TNS1: variants seen among roughly 807,000 people sequenced by gnomAD.
The protein encoded by TNS1 is tensin 1, also known as tensin-1.
Under a neutral mutation model 168.6 loss-of-function variants are expected in TNS1, and 62 were observed. That is an observed-to-expected ratio of 0.37 (90% CI 0.30 to 0.45). The LOEUF (loss-of-function observed/expected upper bound fraction) is 0.45, where lower values mean the gene tolerates loss of function less well. Among genes scored for constraint, TNS1 ranks in the 20% least tolerant of loss-of-function variants. TNS1 has a pLI of 1.00. For synonymous variants in TNS1, 934 were observed against 933.2 expected (o/e 1.00, Z -0.02); for missense variants, 2,240 against 2,339.4 (o/e 0.96, Z 0.88).
chr2:217,910,431 A>G (rs1220249259), intron 4 of TNS1, among the ~76,000 whole-genome samples: 2 of 151,212 alleles, frequency 1.3e-5, no homozygotes, highest in East Asian at 1.9e-4. Flanking sequence ...CTCCAACCCA[A>G]CTCTCCCAGG....
chr2:217,931,112 A>G (rs1161681999), intron 3 of TNS1, among the ~76,000 whole-genome samples: 2 of 152,116 alleles, frequency 1.3e-5, no homozygotes, highest in Non-Finnish European at 2.9e-5. Flanking sequence ...CCCGCCCGGG[A>G]GGGAAACTTG....
intron 4 of TNS1, among the ~76,000 whole-genome samples, chr2:217,909,975 C>G (rs188822388): frequency 2.6e-5 from 4 of 152,318 alleles, no homozygotes; most frequent in Admixed American, 6.5e-5. Context: ...AGAAAGCTCT[C>G]AATACTTGTC....
chr2:217,897,720 G>T (rs750327627), intron 8 of TNS1, 78 bp downstream of exon 8: 154 of 1,419,672 alleles, frequency 1.1e-4, no homozygotes, highest in Middle Eastern at 2.0e-4. Context: ...TGGTGGCAGG[G>T]ATACCAGTCA....
Position 217,821,794 on chromosome 2 carries a change from G to A in TNS1, c.3518C>T (p.Ser1173Phe). ...GGAGAGGGGGCTGGGGGAGACAAAG[G>A]AGCCACCCAGGGTCCCGTTCCTCAG... ...IPLRNGTLGG[S>F]FVSPSPLSTS... Residue 1173 changes from serine (S) to phenylalanine (F), a missense_variant, in exon 23 of 33, where the codon TCC becomes TTC. Ser to Phe is a radical substitution (Grantham distance 155). Around this residue, in one of 2 missense-constraint regions of TNS1, gnomAD observed 2,131 missense variants for 2,171.2 expected, o/e 0.98. Transcript: ENST00000682258. 1 of 1,535,436 alleles carries A rather than the reference G, an allele frequency of 6.5e-7. No homozygotes were observed. The highest frequency in any genetic ancestry group is 8.7e-7 in the Non-Finnish European group (1 of 1,143,520).
intron 3 of TNS1, among the ~76,000 whole-genome samples, chr2:217,956,862 C>A (rs369753506): frequency 6.6e-6 from 1 of 152,074 alleles, no homozygotes; most frequent in African/African-American, 2.4e-5. Flanking sequence ...TCCTGGAAGA[C>A]AATAAGACCA....
intron 3 of TNS1, among the ~76,000 whole-genome samples, chr2:217,960,277 T>G (rs1202363123): frequency 4.6e-5 from 7 of 152,072 alleles, no homozygotes; most frequent in African/African-American, 9.7e-5. Context: ...CTATCTTACA[T>G]TTGAGGAAAT....
intron 3 of TNS1, among the ~76,000 whole-genome samples, chr2:217,970,000 T>TAA (rs956079522): frequency 8.9e-5 from 13 of 145,374 alleles, no homozygotes; most frequent in African/African-American, 2.5e-4. Context: ...CAGTTCCTGA[T>TAA]AAAAAAAAAA....
intron 3 of TNS1, among the ~76,000 whole-genome samples, chr2:217,932,637 C>T (rs773796279): frequency 4.6e-5 from 7 of 152,108 alleles, no homozygotes; most frequent in Non-Finnish European, 8.8e-5. Flanking sequence ...CTATTCGTAT[C>T]CCCATTTTAC....
At chr2:217,982,377 G>A (rs943968394) in intron 2 of TNS1, among the ~76,000 whole-genome samples, 2 of 150,002 alleles carry the variant, frequency 1.3e-5, no homozygotes, top group African/African-American at 4.9e-5. Flanking sequence ...TACTAATTTT[G>A]ATTTTTTTTC....
In TNS1 at chr2:217,958,680, C is replaced by T. The variant is rs148742872; in HGVS notation, c.186+20085G>A. Among the ~76,000 whole-genome samples, 194 of 152,324 alleles carry T rather than the reference C, an allele frequency of 1.3e-3. 2 individuals are homozygous for T. Among genetic ancestry groups the T allele is most frequent in the African/African-American group, 4.5e-3 (186 of 41,568 alleles). ...TCAACGCCCCAAGACCAGTGGGTGG[C>T]AGAGCCGGATGTTGAACTCACATTT... On this transcript the variant is annotated intron_variant, in intron 3 of 32. Transcript: ENST00000682258.
At chr2:217,900,588 CA>C in intron 6 of TNS1, 76 bp from the exon 7 acceptor site, 1 of 1,408,464 alleles carries the variant, frequency 7.1e-7, no homozygotes. Context: ...GAGAGCTGTC[CA>C]CGGGGGCAAA....
At chr2:217,970,337 C>T (rs1385345399) in intron 3 of TNS1, among the ~76,000 whole-genome samples, 2 of 152,174 alleles carry the variant, frequency 1.3e-5, no homozygotes, top group African/African-American at 4.8e-5. Flanking sequence ...AACAGCTGAG[C>T]AGCTCCTCAA....
At chr2:217,979,019 G>A in intron 2 of TNS1, 1 of 505,804 alleles carries the variant, frequency 2.0e-6, no homozygotes, top group Non-Finnish European at 3.5e-6. Flanking sequence ...ACCCGCGGCC[G>A]GGGAGGCAGG....
At chr2:217,911,779 C>G (rs1954440671) in intron 4 of TNS1, among the ~76,000 whole-genome samples, 1 of 152,230 alleles carries the variant, frequency 6.6e-6, no homozygotes, top group South Asian at 2.1e-4. Flanking sequence ...TCTCCCCTCT[C>G]CCTGGCAATG....
At chr2:217,952,728 G>A (rs1398167036) in intron 3 of TNS1, among the ~76,000 whole-genome samples, 1 of 152,186 alleles carries the variant, frequency 6.6e-6, no homozygotes, top group Non-Finnish European at 1.5e-5. Context: ...GAATGGGGCT[G>A]ATGAAGACCC....
chr2:217,915,399 C>A (rs535044260), intron 4 of TNS1, among the ~76,000 whole-genome samples: 1 of 152,340 alleles, frequency 6.6e-6, no homozygotes, highest in East Asian at 1.9e-4. Flanking sequence ...AAAGTCCTCT[C>A]CACCCTGTGG....
intron 1 of TNS1, among the ~76,000 whole-genome samples, chr2:218,021,768 A>G (rs1411080940): frequency 6.6e-6 from 1 of 152,224 alleles, no homozygotes; most frequent in Non-Finnish European, 1.5e-5. Flanking sequence ...GGAGACCAGG[A>G]GGGACCTGGA....
intron 4 of TNS1, among the ~76,000 whole-genome samples, chr2:217,907,815 A>T (rs1953893646): frequency 6.6e-6 from 1 of 152,168 alleles, no homozygotes; most frequent in Admixed American, 6.5e-5. Flanking sequence ...TCCATTTCCA[A>T]GCACAAAGGC....
chr2:217,847,209 T>C (rs1477687353), intron 19 of TNS1, among the ~76,000 whole-genome samples: 1 of 152,240 alleles, frequency 6.6e-6, no homozygotes, highest in African/African-American at 2.4e-5. Context: ...GTCCCACCTC[T>C]GTCACCGTAC....
Sources: gnomAD v4.1 joint callset for allele counts (sites outside exome capture counted in the v4.1 genomes callset) on GRCh38, gnomAD v4.1.1 for gene constraint, gnomAD v4.1.1 regional missense constraint, MANE v1.5 for transcripts, NCBI Gene and HGNC (gene_info 2026-07-23, HGNC 2026-07-21) for gene names.